ZC3H12B: variants seen among roughly 807,000 people sequenced by gnomAD.
The protein encoded by ZC3H12B is probable ribonuclease ZC3H12B.
ZC3H12B carries 7 observed loss-of-function variants against 43.9 expected under a neutral mutation model. The ratio of observed to expected loss-of-function variants is 0.16; its 90% CI spans 0.09 to 0.30. ZC3H12B has a LOEUF of 0.30. ZC3H12B is among the 10% of genes least tolerant of loss of function. The pLI is 1.00. For missense variants in ZC3H12B, 475 were observed against 670.2 expected (o/e 0.71, Z 3.22); for synonymous variants, 222 against 241.7 (o/e 0.92, Z 0.76).
At chrX:65,337,094 A>ACT in the ZC3H12B span, among the ~76,000 whole-genome samples, 1 of 110,949 alleles carries the variant, frequency 9.0e-6, no homozygotes, top group Non-Finnish European at 1.9e-5. Flanking sequence ...GGGGTCTTTA[A>ACT]CTCTCTCTCT....
chrX:65,329,926 G>C, the ZC3H12B span, among the ~76,000 whole-genome samples: 7 of 102,207 alleles, frequency 6.8e-5, no homozygotes, highest in African/African-American at 1.4e-4. Context: ...TTTGGTACCA[G>C]TACCATGCTG....
At chrX:65,415,759 C>T (rs986687056) in intron 3 of ZC3H12B, among the ~76,000 whole-genome samples, 1 of 111,748 alleles carries the variant, frequency 8.9e-6, no homozygotes, top group Non-Finnish European at 1.9e-5. Flanking sequence ...CTTCTCTGAA[C>T]CTTAGTTTAA....
the ZC3H12B span, among the ~76,000 whole-genome samples, chrX:65,356,629 A>AT: frequency 8.9e-6 from 1 of 112,201 alleles, no homozygotes; most frequent in Non-Finnish European, 1.9e-5. Context: ...TTAAAGTTAT[A>AT]TTTTGTATAT....
the ZC3H12B span, among the ~76,000 whole-genome samples, chrX:65,202,586 A>G: frequency 9.0e-6 from 1 of 110,891 alleles, no homozygotes; most frequent in Admixed American, 9.7e-5. Context: ...ACAAACAAAC[A>G]AACAAAAAAT....
intron 2 of ZC3H12B, among the ~76,000 whole-genome samples, chrX:65,395,967 A>T (rs1206371886): frequency 1.8e-5 from 2 of 111,572 alleles, no homozygotes; most frequent in South Asian, 3.7e-4. Context: ...TTCCTAGTTT[A>T]TTTGTGTAGA....
At chrX:65,222,876 A>G in the ZC3H12B span, among the ~76,000 whole-genome samples, 1 of 110,638 alleles carries the variant, frequency 9.0e-6, no homozygotes, top group Non-Finnish European at 1.9e-5. Flanking sequence ...GAACTAGAAA[A>G]AAAAATCATC....
chrX:65,164,810 G>T, the ZC3H12B span, among the ~76,000 whole-genome samples: 1 of 112,115 alleles, frequency 8.9e-6, no homozygotes, highest in Admixed American at 9.5e-5. Context: ...CCCCTCAAAA[G>T]TAGCCCTGTG....
At chrX:65,230,810 G>T in the ZC3H12B span, among the ~76,000 whole-genome samples, 3 of 111,151 alleles carry the variant, frequency 2.7e-5, no homozygotes, top group African/African-American at 9.8e-5. Flanking sequence ...GAAAGAAAAG[G>T]ATGCTAATGA....
At chrX:65,497,328 T>C (rs945537962) in intron 2 of ZC3H12B, 57 bp downstream of exon 7, 1 of 1,072,833 alleles carries the variant, frequency 9.3e-7, no homozygotes, top group African/African-American at 1.9e-5. Context: ...GAAAGATAGT[T>C]TGGGGATGGT....
chrX:65,328,892 G>A, the ZC3H12B span, among the ~76,000 whole-genome samples: 14 of 109,299 alleles, frequency 1.3e-4, no homozygotes, highest in African/African-American at 4.7e-4. Context: ...CATTTTTTAT[G>A]GCTACATAGT....
the ZC3H12B span, among the ~76,000 whole-genome samples, chrX:65,078,220 A>G: frequency 1.8e-5 from 2 of 112,455 alleles, no homozygotes; most frequent in Admixed American, 1.9e-4. Flanking sequence ...GATAATGTCT[A>G]TTACACAGTT....
At chrX:65,061,912 G>A in the ZC3H12B span, among the ~76,000 whole-genome samples, 2 of 112,521 alleles carry the variant, frequency 1.8e-5, no homozygotes, top group Non-Finnish European at 3.8e-5. Context: ...TTTCTTTAAT[G>A]ACCAGTGATG....
the ZC3H12B span, among the ~76,000 whole-genome samples, chrX:65,061,108 A>G: frequency 9.0e-6 from 1 of 111,617 alleles, no homozygotes; most frequent in East Asian, 2.8e-4. Flanking sequence ...ATCAGTTGTA[A>G]TGTATCCTTT....
the ZC3H12B span, among the ~76,000 whole-genome samples, chrX:65,143,624 G>T: frequency 9.3e-6 from 1 of 107,353 alleles, no homozygotes; most frequent in East Asian, 2.9e-4. Context: ...GTGCTCTGGT[G>T]TGATCATGGC....
chrX:65,377,487 G>A (rs756942916), intron 2 of ZC3H12B, among the ~76,000 whole-genome samples: 94 of 110,275 alleles, frequency 8.5e-4, no homozygotes, highest in African/African-American at 3.1e-3. Flanking sequence ...AACTTCCAAA[G>A]GTCAAGAGTA....
the ZC3H12B span, among the ~76,000 whole-genome samples, chrX:65,100,566 C>CAAAAAAAAAAAAAAAA: frequency 4.2e-3 from 19 of 4,531 alleles, 6 homozygotes; most frequent in African/African-American, 0.011. Flanking sequence ...AAAGATAAAG[C>CAAAAAAAAAAAAAAAA]AAAAAAAAAA....
the ZC3H12B span, among the ~76,000 whole-genome samples, chrX:65,123,715 AGTT>A: frequency 9.6e-5 from 10 of 103,742 alleles, no homozygotes; most frequent in South Asian, 3.0e-3. Context: ...TAGATTCCTA[AGTT>A]GTTGTTGTTT....
At chrX:65,425,070 C>G (rs2067064490) in intron 3 of ZC3H12B, among the ~76,000 whole-genome samples, 1 of 111,865 alleles carries the variant, frequency 8.9e-6, no homozygotes. Flanking sequence ...TTGCCATTTT[C>G]ATGATATTGA....
chrX:65,212,169 T>C, the ZC3H12B span, among the ~76,000 whole-genome samples: 1 of 50,513 alleles, frequency 2.0e-5, no homozygotes, highest in African/African-American at 8.1e-5. Context: ...ATATAATATA[T>C]AATATTATAT....
Sources: gnomAD v4.1 joint callset for allele counts (sites outside exome capture counted in the v4.1 genomes callset) on GRCh38, gnomAD v4.1.1 for gene constraint, MANE v1.5 for transcripts, NCBI Gene and HGNC (gene_info 2026-07-23, HGNC 2026-07-21) for gene names.